CERS6: variants seen among roughly 807,000 people sequenced by gnomAD.
CERS6 encodes ceramide synthase 6.
A neutral mutation model predicts 56.8 loss-of-function variants in CERS6; 26 were observed. That is an observed-to-expected ratio of 0.46 (90% CI 0.34 to 0.63). The LOEUF is 0.63. CERS6 is among the 30% of genes least tolerant of loss of function. The pLI is 0.01. For synonymous variants in CERS6, 164 were observed against 173.3 expected (o/e 0.95, Z 0.42); for missense variants, 415 against 467.5 (o/e 0.89, Z 1.04).
intron 3 of CERS6, among the ~76,000 whole-genome samples, chr2:168,611,416 T>G (rs1158950220): frequency 6.6e-6 from 1 of 152,240 alleles, no homozygotes; most frequent in Non-Finnish European, 1.5e-5. Flanking sequence ...TTGCAACTTT[T>G]GTTTAGAGAC....
chr2:168,716,848 T>C (rs1687239202), intron 7 of CERS6, among the ~76,000 whole-genome samples: 1 of 152,172 alleles, frequency 6.6e-6, no homozygotes, highest in South Asian at 2.1e-4. Context: ...CTCTCATAGC[T>C]TTGTGCTTTA....
At chr2:168,559,733 T>TTTTTTATATATATATATA (rs61031993) in intron 2 of CERS6, among the ~76,000 whole-genome samples, 1 of 66,288 alleles carries the variant, frequency 1.5e-5, no homozygotes, top group Admixed American at 1.8e-4. Flanking sequence ...TAGAAAGGTA[T>TTTTTTATATATATATATA]CATATATATA....
At chr2:168,513,644 G>A (rs188624666) in intron 1 of CERS6, among the ~76,000 whole-genome samples, 342 of 152,242 alleles carry the variant, frequency 2.2e-3, no homozygotes, top group Non-Finnish European at 4.2e-3. Flanking sequence ...TGTTGACCCC[G>A]CTCACCTGGC....
rs115783397 is a variant in CERS6, at chr2:168,721,094, G to A, written c.845+3116G>A. 5.5e-3 allele frequency among the ~76,000 whole-genome samples: 842 copies of A among 152,200 alleles called. 4 individuals are homozygous for A. The highest frequency in any genetic ancestry group is 0.018 in the African/African-American group (753 of 41,522). On this transcript the variant is annotated intron_variant, in intron 8 of 9. Transcript: ENST00000305747. ...ATGCTGCTGTAGACAAACCTATTGC[G>A]CTGCCAGTCACTCCTCATTCTTCCC... is the stretch of plus-strand genomic sequence containing the variant.
chr2:168,585,676 G>A (rs1022904736), intron 3 of CERS6, among the ~76,000 whole-genome samples: 34 of 152,294 alleles, frequency 2.2e-4, no homozygotes, highest in African/African-American at 8.2e-4. Flanking sequence ...TCTGACCCTA[G>A]GGTTTGAGGA....
intron 7 of CERS6, among the ~76,000 whole-genome samples, chr2:168,715,775 C>A (rs902826859): frequency 7.9e-5 from 12 of 152,078 alleles, no homozygotes; most frequent in African/African-American, 2.9e-4. Flanking sequence ...TTACTTTTAA[C>A]TGTGGCTCCT....
intron 1 of CERS6, among the ~76,000 whole-genome samples, chr2:168,509,227 C>CATCTTAAACAGATA: frequency 6.6e-6 from 1 of 152,252 alleles, no homozygotes; most frequent in African/African-American, 2.4e-5. Context: ...ACAGTATCAC[C>CATCTTAAACAGATA]CAAAATGATG....
chr2:168,474,309 T>C (rs1694029561), intron 1 of CERS6, among the ~76,000 whole-genome samples: 2 of 152,298 alleles, frequency 1.3e-5, no homozygotes, highest in African/African-American at 4.8e-5. Context: ...CTTCTTTGCA[T>C]TTAGGTGTTT....
At chr2:168,591,915 A>C (rs1683680230) in intron 3 of CERS6, among the ~76,000 whole-genome samples, 1 of 152,182 alleles carries the variant, frequency 6.6e-6, no homozygotes, top group Non-Finnish European at 1.5e-5. Flanking sequence ...ATGGACCCTC[A>C]ATGCTGGGAT....
chr2:168,741,747 A>G (rs1285853522), intron 8 of CERS6, among the ~76,000 whole-genome samples: 1 of 152,230 alleles, frequency 6.6e-6, no homozygotes, highest in Non-Finnish European at 1.5e-5. Context: ...TCAGGCAGGC[A>G]TGCTGTAAAG....
intron 6 of CERS6, among the ~76,000 whole-genome samples, chr2:168,711,508 T>G (rs1378190670): frequency 6.6e-6 from 1 of 152,036 alleles, no homozygotes; most frequent in Non-Finnish European, 1.5e-5. Context: ...CTGAGGCAGG[T>G]GCATCACTTG....
intron 3 of CERS6, among the ~76,000 whole-genome samples, chr2:168,569,298 C>T (rs1369420665): frequency 1.3e-5 from 2 of 152,138 alleles, no homozygotes; most frequent in Non-Finnish European, 2.9e-5. Flanking sequence ...TATTAACAGC[C>T]TCATCTCCCA....
chr2:168,758,781 G>A (rs542794180), intron 8 of CERS6, among the ~76,000 whole-genome samples: 1 of 152,268 alleles, frequency 6.6e-6, no homozygotes, highest in South Asian at 2.1e-4. Flanking sequence ...AGGTTTTTTG[G>A]AGTAAGATGC....
chr2:168,660,592 C>T (rs1685604571), intron 4 of CERS6, among the ~76,000 whole-genome samples: 1 of 151,726 alleles, frequency 6.6e-6, no homozygotes, highest in Non-Finnish European at 1.5e-5. Flanking sequence ...CTACCTGTGA[C>T]TTTTTAAATA....
intron 1 of CERS6, among the ~76,000 whole-genome samples, chr2:168,464,575 G>A (rs901323033): frequency 1.7e-4 from 26 of 152,130 alleles, no homozygotes; most frequent in African/African-American, 6.3e-4. Context: ...TCAAGAGGAT[G>A]ATGAAGTAAC....
At chr2:168,663,183 C>T (rs1685676537) in intron 4 of CERS6, among the ~76,000 whole-genome samples, 1 of 152,114 alleles carries the variant, frequency 6.6e-6, no homozygotes. Flanking sequence ...AATCACCATC[C>T]AGTTAAACAC....
chr2:168,486,794 T>C (rs1694284647), intron 1 of CERS6, among the ~76,000 whole-genome samples: 1 of 152,160 alleles, frequency 6.6e-6, no homozygotes, highest in Non-Finnish European at 1.5e-5. Context: ...CTTGTTTGTG[T>C]AGTTAGCATT....
chr2:168,544,157 A>G (rs1040818967), intron 1 of CERS6, among the ~76,000 whole-genome samples: 1 of 152,212 alleles, frequency 6.6e-6, no homozygotes, highest in Non-Finnish European at 1.5e-5. Flanking sequence ...ATGGACTTCA[A>G]CATTTAAATT....
chr2:168,597,832 C>T (rs1683836568), intron 3 of CERS6, among the ~76,000 whole-genome samples: 1 of 152,228 alleles, frequency 6.6e-6, no homozygotes, highest in Non-Finnish European at 1.5e-5. Flanking sequence ...GGAGCTACCT[C>T]AGAGTCATCT....
Sources: gnomAD v4.1 joint callset for allele counts (sites outside exome capture counted in the v4.1 genomes callset) on GRCh38, gnomAD v4.1.1 for gene constraint, MANE v1.5 for transcripts, NCBI Gene and HGNC (gene_info 2026-07-23, HGNC 2026-07-21) for gene names.